NXPH2: variants seen among roughly 807,000 people sequenced by gnomAD.
The protein encoded by NXPH2 is neurexophilin-2.
Under a neutral mutation model 19.8 loss-of-function variants are expected in NXPH2, and 5 were observed. The observed-to-expected ratio is 0.25, with a 90% CI of 0.13 to 0.53. The LOEUF (loss-of-function observed/expected upper bound fraction) is 0.53. Among genes scored for constraint, NXPH2 ranks in the 20% least tolerant of loss-of-function variants. The pLI is 0.96. For synonymous variants in NXPH2, 154 were observed against 127.4 expected, an observed-to-expected ratio of 1.21 and a Z score of -1.41; for missense variants, 289 against 322.8, an observed-to-expected ratio of 0.90 and a Z score of 0.80.
rs368339769 is a variant in NXPH2, at chr2:138,737,822, G to A, written c.51+42369C>T. ...TCATTACATAGTGTGCCATCCTTTG[G>A]AAGACATTGCCAGTCTTACTATATG... is the stretch of plus-strand genomic sequence containing the variant. On this transcript the variant is annotated intron_variant, in intron 1 of 1. Coordinates refer to ENST00000272641, the MANE Select transcript of NXPH2 (RefSeq NM_007226.3). Among the ~76,000 whole-genome samples, 12 of 152,278 alleles carry A rather than the reference G, an allele frequency of 7.9e-5. No homozygotes were observed. The East Asian group carries it at 1.9e-3, about 24-fold the overall frequency.
intron 1 of NXPH2, among the ~76,000 whole-genome samples, chr2:138,771,116 C>A (rs1460349106): frequency 6.6e-6 from 1 of 151,998 alleles, no homozygotes; most frequent in Non-Finnish European, 1.5e-5. Context: ...ATTGAACCAA[C>A]ATTTTCAATT....
intron 1 of NXPH2, among the ~76,000 whole-genome samples, chr2:138,749,590 C>T (rs1183230504): frequency 2.0e-5 from 3 of 152,020 alleles, no homozygotes; most frequent in African/African-American, 4.8e-5. Context: ...TATGCTTTAT[C>T]TTTCATCTGC....
chr2:138,704,765 T>A (rs1348415916), intron 1 of NXPH2, among the ~76,000 whole-genome samples: 1 of 151,926 alleles, frequency 6.6e-6, no homozygotes, highest in East Asian at 1.9e-4. Context: ...CAAGTGATCC[T>A]CTCACCTTAG....
chr2:138,720,031 A>C (rs894724255), intron 1 of NXPH2, among the ~76,000 whole-genome samples: 12 of 152,110 alleles, frequency 7.9e-5, no homozygotes, highest in African/African-American at 2.9e-4. Flanking sequence ...GAATTCTTGC[A>C]TTTATTTTTC....
In NXPH2 at chr2:138,671,411, T is replaced by C; in HGVS notation, c.306A>G (p.Ile102Met). ...TTTTCTTAAATTTTCCTGTTTTTACTATTGGCCTCCGTTTAGTTCTTGCCA... is the reference window on the plus strand; with the variant it reads ...TTTTCTTAAATTTTCCTGTTTTTACCATTGGCCTCCGTTTAGTTCTTGCCA... ...EPLARTKRRP[I>M]VKTGKFKKMF... Residue 102 changes from isoleucine to methionine, a missense_variant, in exon 2 of 2, where the codon ATA (isoleucine) becomes ATG (methionine). Physicochemically the swap from Ile to Met is conservative, Grantham distance 10. Transcript: ENST00000272641. 1.2e-6 allele frequency: 2 copies of C among 1,614,080 alleles called. No individual in the cohort carries two copies. Among genetic ancestry groups the C allele is most frequent in the Non-Finnish European group, 1.7e-6 (2 of 1,179,908 alleles).
intron 1 of NXPH2, among the ~76,000 whole-genome samples, chr2:138,721,938 G>A (rs558714862): frequency 2.6e-5 from 4 of 152,192 alleles, no homozygotes; most frequent in Non-Finnish European, 5.9e-5. Context: ...AGCAATGGCG[G>A]GAGCATGGCT....
rs1210575998 is a variant in NXPH2 at position 138,780,219 on chromosome 2, AG to A, written c.22del (p.Leu8SerfsTer95). 1 of 1,471,102 alleles carries A rather than the reference AG, an allele frequency of 6.8e-7. No individual in the cohort carries two copies. Among genetic ancestry groups the A allele is most frequent in the Non-Finnish European group, 8.9e-7 (1 of 1,120,248 alleles). The allele number at this position is 1,471,102 out of a possible 1,614,324, so 91.1% of individuals were successfully genotyped here. ...CTGCAGCAAGCCAGGGACCACCACGAGGGGCAGCGGCCGCAGGCGCATGGTG... is the reference window on the plus strand; with the variant it reads ...CTGCAGCAAGCCAGGGACCACCACGAGGGCAGCGGCCGCAGGCGCATGGTG... MRLRPLP[L>X]VVVPGLLQLL... On this transcript the variant is annotated frameshift_variant, in exon 1 of 2. Transcript: ENST00000272641. LOFTEE classifies it high-confidence loss of function.
At chr2:138,673,207 A>G (rs778899316) in intron 1 of NXPH2, among the ~76,000 whole-genome samples, 2 of 152,126 alleles carry the variant, frequency 1.3e-5, no homozygotes, top group Non-Finnish European at 2.9e-5. Flanking sequence ...CTAAATCCAT[A>G]TGGCCTCTTC....
chr2:138,677,432 A>G (rs187290441), intron 1 of NXPH2, among the ~76,000 whole-genome samples: 191 of 152,336 alleles, frequency 1.3e-3, no homozygotes, highest in African/African-American at 4.4e-3. Context: ...GCTAGATACA[A>G]TGATATCATA....
chr2:138,743,966 G>A (rs1291813778), intron 1 of NXPH2, among the ~76,000 whole-genome samples: 2 of 128,508 alleles, frequency 1.6e-5, no homozygotes, highest in African/African-American at 5.8e-5. Context: ...TTGCGCCATT[G>A]CACTCCAGCC....
chr2:138,672,491 A>G lies in NXPH2; in HGVS notation c.52-826T>C, dbSNP rs981034617. Among the ~76,000 whole-genome samples the G allele has an allele frequency of 5.3e-5, 8 of 152,184 alleles. No individual in the cohort carries two copies. The South Asian group carries it at 8.3e-4, about 16-fold the overall frequency. On this transcript the variant is annotated intron_variant, in intron 1 of 1. Transcript: ENST00000272641. ...TTTGATTTTTCTTTTTATTCTTTGT[A>G]TAGTGTAAGAGTCCCCATGTTTACT...
At chr2:138,773,831 T>C (rs929989515) in intron 1 of NXPH2, among the ~76,000 whole-genome samples, 3 of 152,234 alleles carry the variant, frequency 2.0e-5, no homozygotes, top group Non-Finnish European at 2.9e-5. Flanking sequence ...GTTTCATTTG[T>C]AGAGACATTT....
At chr2:138,700,348 C>G (rs1680901149) in intron 1 of NXPH2, among the ~76,000 whole-genome samples, 1 of 152,134 alleles carries the variant, frequency 6.6e-6, no homozygotes, top group Admixed American at 6.5e-5. Context: ...AACTATTCAA[C>G]AATCTTTTCA....
At chr2:138,705,689 C>G (rs925042571) in intron 1 of NXPH2, among the ~76,000 whole-genome samples, 3 of 152,220 alleles carry the variant, frequency 2.0e-5, no homozygotes, top group Non-Finnish European at 2.9e-5. Flanking sequence ...TTTAAATTCT[C>G]TGTTAAAATT....
At chr2:138,736,485 C>A (rs1443813010) in intron 1 of NXPH2, among the ~76,000 whole-genome samples, 1 of 152,192 alleles carries the variant, frequency 6.6e-6, no homozygotes, top group East Asian at 1.9e-4. Context: ...ATGCAGGGCA[C>A]CAAGTCCCTA....
intron 1 of NXPH2, among the ~76,000 whole-genome samples, chr2:138,725,802 T>G (rs1558922871): frequency 1.3e-5 from 2 of 152,172 alleles, no homozygotes; most frequent in Non-Finnish European, 2.9e-5. Context: ...TTCCCCTGCA[T>G]AAAAAATCCA....
intron 1 of NXPH2, among the ~76,000 whole-genome samples, chr2:138,759,381 A>C (rs1364669425): frequency 6.6e-6 from 1 of 151,972 alleles, no homozygotes; most frequent in Non-Finnish European, 1.5e-5. Flanking sequence ...GCCCATCACT[A>C]TTCTCTGCTC....
At chr2:138,710,876 G>T (rs149894060) in intron 1 of NXPH2, among the ~76,000 whole-genome samples, 2 of 152,144 alleles carry the variant, frequency 1.3e-5, no homozygotes, top group Non-Finnish European at 2.9e-5. Flanking sequence ...CTTTACCCAA[G>T]CTGGCTTCCC....
At chr2:138,686,782 A>G (rs1680662487) in intron 1 of NXPH2, among the ~76,000 whole-genome samples, 2 of 152,006 alleles carry the variant, frequency 1.3e-5, no homozygotes, top group Non-Finnish European at 2.9e-5. Context: ...ATTCCCACCT[A>G]TGAGTGAGAA....
Sources: gnomAD v4.1 joint callset for allele counts (sites outside exome capture counted in the v4.1 genomes callset) on GRCh38, gnomAD v4.1.1 for gene constraint, MANE v1.5 for transcripts, NCBI Gene and HGNC (gene_info 2026-07-23, HGNC 2026-07-21) for gene names.